Variants in HDAC9 observed in about 807,000 individuals in gnomAD.
HDAC9 encodes the protein MEF-2 interacting transcription repressor (MITR) protein.
HDAC9 carries 41 observed loss-of-function variants against 139.4 expected under a neutral mutation model. The ratio of observed to expected loss-of-function variants is 0.29; its 90% CI spans 0.23 to 0.38. The LOEUF is 0.38. HDAC9 is among the 10% of genes least tolerant of loss of function. The probability of loss-of-function intolerance (pLI) is 1.00; values close to 1 mark genes in which losing one functional copy is unlikely to be tolerated. For synonymous variants in HDAC9, 517 were observed against 476.2 expected (o/e 1.09, Z -1.12); for missense variants, 1,147 against 1,297.0 (o/e 0.88, Z 1.78).
At chr7:18,119,577 A>C (rs577711377) in intron 1 of HDAC9, among the ~76,000 whole-genome samples, 3 of 152,346 alleles carry the variant, frequency 2.0e-5, no homozygotes, top group South Asian at 4.1e-4. Context: ...AAACAGGAAG[A>C]GAGATTGAGG....
intron 2 of HDAC9, among the ~76,000 whole-genome samples, chr7:18,227,695 T>C (rs1241925729): frequency 6.6e-6 from 1 of 152,178 alleles, no homozygotes; most frequent in African/African-American, 2.4e-5. Context: ...CAACTAATAA[T>C]GTAGCCTGCT....
chr7:18,451,131 T>C (rs1294441403), intron 1 of HDAC9, among the ~76,000 whole-genome samples: 6 of 152,152 alleles, frequency 3.9e-5, no homozygotes, highest in Non-Finnish European at 7.4e-5. Context: ...TTAGTGCCTT[T>C]ACGAAACAGG....
chr7:18,337,042 A>G (rs1781636353), intron 1 of HDAC9, among the ~76,000 whole-genome samples: 1 of 151,810 alleles, frequency 6.6e-6, no homozygotes, highest in African/African-American at 2.4e-5. Context: ...ATTATAATAT[A>G]TTTAATTTAT....
At chr7:18,700,568 AC>A (rs1215990350) in intron 12 of HDAC9, among the ~76,000 whole-genome samples, 2 of 152,210 alleles carry the variant, frequency 1.3e-5, no homozygotes, top group African/African-American at 2.4e-5. Flanking sequence ...TGAGTTGGCA[AC>A]CTTTTGCTCT....
chr7:18,389,860 A>C (rs1257027512), intron 1 of HDAC9, among the ~76,000 whole-genome samples: 1 of 152,160 alleles, frequency 6.6e-6, no homozygotes, highest in Non-Finnish European at 1.5e-5. Context: ...AAGAGGGGTT[A>C]ATAAAAGTTG....
intron 22 of HDAC9, among the ~76,000 whole-genome samples, chr7:18,916,516 CT>C (rs1184888416): frequency 4.0e-5 from 6 of 151,854 alleles, no homozygotes; most frequent in African/African-American, 1.2e-4. Context: ...CAGAGAGAAA[CT>C]ATTGAAACTT....
chr7:18,328,726 C>A (rs774114777), intron 1 of HDAC9, among the ~76,000 whole-genome samples: 1 of 151,774 alleles, frequency 6.6e-6, no homozygotes, highest in Non-Finnish European at 1.5e-5. Flanking sequence ...CTTTTTGCAT[C>A]TATGTTCATC....
intron 2 of HDAC9, among the ~76,000 whole-genome samples, chr7:18,229,179 T>A (rs1311820581): frequency 6.6e-6 from 1 of 152,234 alleles, no homozygotes; most frequent in East Asian, 1.9e-4. Flanking sequence ...TGTGAATTGA[T>A]AATACAGCTA....
chr7:18,816,292 C>G (rs10258269), intron 17 of HDAC9, among the ~76,000 whole-genome samples: 16,211 of 152,172 alleles, frequency 0.11, 966 homozygotes, highest in South Asian at 0.19. Flanking sequence ...AAGCATTCAA[C>G]TTTCATATTA....
At chr7:18,404,291 T>C (rs997014003) in intron 1 of HDAC9, among the ~76,000 whole-genome samples, 4 of 152,166 alleles carry the variant, frequency 2.6e-5, no homozygotes, top group African/African-American at 7.2e-5. Flanking sequence ...CATCCTGTCT[T>C]TAAGAGGTAT....
At chr7:18,347,281 G>C (rs569278765) in intron 1 of HDAC9, among the ~76,000 whole-genome samples, 16 of 152,118 alleles carry the variant, frequency 1.1e-4, no homozygotes, top group Non-Finnish European at 2.9e-5. Context: ...AGGAAAATGA[G>C]CACTTCATTA....
intron 22 of HDAC9, among the ~76,000 whole-genome samples, chr7:18,911,796 G>T (rs1401739563): frequency 1.3e-5 from 2 of 151,648 alleles, no homozygotes; most frequent in Non-Finnish European, 2.9e-5. Context: ...CCATGTATTT[G>T]TACAGTTTCC....
intron 1 of HDAC9, among the ~76,000 whole-genome samples, chr7:18,148,119 C>T (rs553070946): frequency 6.2e-4 from 95 of 152,258 alleles, no homozygotes; most frequent in African/African-American, 2.2e-3. Context: ...GGGTCACTTA[C>T]TAGTTTCCTA....
chr7:18,910,002 A>T (rs1404794472), intron 22 of HDAC9, among the ~76,000 whole-genome samples: 9 of 151,576 alleles, frequency 5.9e-5, no homozygotes, highest in Non-Finnish European at 1.3e-4. Context: ...TTGTGCAGAG[A>T]ATGATATTTC....
chr7:18,391,463 A>G (rs1425679665), intron 1 of HDAC9, among the ~76,000 whole-genome samples: 1 of 152,062 alleles, frequency 6.6e-6, no homozygotes, highest in African/African-American at 2.4e-5. Flanking sequence ...CTGAAGTTGT[A>G]TAGTGATATA....
chr7:18,760,323 C>T (rs1444359784), intron 14 of HDAC9, among the ~76,000 whole-genome samples: 1 of 152,088 alleles, frequency 6.6e-6, no homozygotes. Context: ...ATGTTGCCTT[C>T]GAATTTTCTC....
At chr7:18,485,353 T>A (rs1415743280) in intron 1 of HDAC9, among the ~76,000 whole-genome samples, 1 of 152,002 alleles carries the variant, frequency 6.6e-6, no homozygotes, top group Non-Finnish European at 1.5e-5. Flanking sequence ...TTAGGAATCA[T>A]TGAATCATTG....
intron 19 of HDAC9, among the ~76,000 whole-genome samples, chr7:18,834,846 T>C (rs1796120570): frequency 6.6e-6 from 1 of 152,192 alleles, no homozygotes; most frequent in South Asian, 2.1e-4. Context: ...GAAAGCCAAT[T>C]TATTCAGCTG....
chr7:18,457,557 T>C (rs1793452317), intron 1 of HDAC9, among the ~76,000 whole-genome samples: 1 of 152,234 alleles, frequency 6.6e-6, no homozygotes, highest in Non-Finnish European at 1.5e-5. Context: ...TTAGTTGCTG[T>C]CTGCCCCTGT....
Sources: gnomAD v4.1 joint callset for allele counts (sites outside exome capture counted in the v4.1 genomes callset) on GRCh38, gnomAD v4.1.1 for gene constraint, MANE v1.5 for transcripts, NCBI Gene and HGNC (gene_info 2026-07-23, HGNC 2026-07-21) for gene names.